FOXN3: variants seen among roughly 807,000 people sequenced by gnomAD.
FOXN3 encodes forkhead box N3, also known as forkhead box protein N3.
In FOXN3, 7 loss-of-function variants were observed where a neutral mutation model predicts 38.4. That is an observed-to-expected ratio of 0.18 (90% CI 0.10 to 0.34). The LOEUF (loss-of-function observed/expected upper bound fraction) is 0.34. Among genes scored for constraint, FOXN3 ranks in the 10% least tolerant of loss-of-function variants. The probability of loss-of-function intolerance (pLI) is 1.00; values close to 1 mark genes in which losing one functional copy is unlikely to be tolerated. For synonymous variants in FOXN3, 230 were observed against 242.2 expected (o/e 0.95, Z 0.47); for missense variants, 456 against 613.4 (o/e 0.74, Z 2.71).
At chr14:89,608,582 A>C (rs1896326728) in intron 1 of FOXN3, among the ~76,000 whole-genome samples, 1 of 152,198 alleles carries the variant, frequency 6.6e-6, no homozygotes, top group Non-Finnish European at 1.5e-5. Context: ...ACAGACTTCA[A>C]CTGCTAGTAT....
In FOXN3 at chr14:89,363,980, ATATATATAAT is replaced by A. The variant is rs1376241017; in HGVS notation, c.544-13182_544-13173del. 2.7e-3 allele frequency among the ~76,000 whole-genome samples: 244 copies of A among 89,038 alleles called. 4 individuals are homozygous for A. The highest frequency in any genetic ancestry group is 0.022 in the East Asian group (87 of 3,994). The allele number at this position is 89,038 out of a possible 152,430, so 58.4% of individuals were successfully genotyped here. A position where few individuals can be genotyped will look rare whatever the true frequency, so the allele number is the denominator to read the frequency against. Reference sequence around the variant, plus strand: ...TATATATATATATATATATATATATATATATATAATATATATATATATTCTTCCATATCAA... The same window carrying A: ...TATATATATATATATATATATATATAATATATATATATTCTTCCATATCAA... On this transcript the variant is annotated intron_variant, in intron 2 of 5. Transcript: ENST00000557258.
chr14:89,616,878 TAGG>T (rs998591645), intron 1 of FOXN3, among the ~76,000 whole-genome samples: 3 of 152,252 alleles, frequency 2.0e-5, no homozygotes, highest in Non-Finnish European at 4.4e-5. Context: ...TTATGAAATC[TAGG>T]AGACCACATT....
intron 3 of FOXN3, among the ~76,000 whole-genome samples, chr14:89,325,070 C>T (rs181798505): frequency 7.2e-5 from 11 of 152,314 alleles, no homozygotes; most frequent in African/African-American, 2.2e-4. Flanking sequence ...ACACTGGGTG[C>T]ATCTCAGGTG....
intron 1 of FOXN3, among the ~76,000 whole-genome samples, chr14:89,582,117 C>G (rs1895752447): frequency 6.6e-6 from 1 of 152,196 alleles, no homozygotes; most frequent in African/African-American, 2.4e-5. Flanking sequence ...CCCACGTTCT[C>G]CTCTAATAAT....
At chr14:89,464,750 T>A (rs1191758878) in intron 1 of FOXN3, among the ~76,000 whole-genome samples, 1 of 152,064 alleles carries the variant, frequency 6.6e-6, no homozygotes, top group African/African-American at 2.4e-5. Flanking sequence ...CAAGCTGGGG[T>A]ACAATGGCAC....
chr14:89,580,767 C>G (rs1328943648), intron 1 of FOXN3, among the ~76,000 whole-genome samples: 1 of 152,168 alleles, frequency 6.6e-6, no homozygotes, highest in African/African-American at 2.4e-5. Flanking sequence ...TCTTCTAAAT[C>G]AAATTAAATC....
intron 1 of FOXN3, among the ~76,000 whole-genome samples, chr14:89,536,703 G>T (rs928826353): frequency 6.6e-6 from 1 of 152,026 alleles, no homozygotes; most frequent in Non-Finnish European, 1.5e-5. Context: ...GCTTGAACCT[G>T]GGAGACGGAG....
intron 1 of FOXN3, among the ~76,000 whole-genome samples, chr14:89,460,865 A>C (rs979969421): frequency 6.6e-6 from 1 of 151,218 alleles, no homozygotes; most frequent in South Asian, 2.1e-4. Context: ...CCCCACCTCT[A>C]CTAAAATACA....
intron 1 of FOXN3, among the ~76,000 whole-genome samples, chr14:89,416,088 C>G (rs909354989): frequency 6.6e-6 from 1 of 152,160 alleles, no homozygotes; most frequent in Non-Finnish European, 1.5e-5. Flanking sequence ...CGAGCAGTAG[C>G]GAGTTTGGGG....
At chr14:89,296,897 A>C (rs1399277308) in intron 3 of FOXN3, among the ~76,000 whole-genome samples, 1 of 152,088 alleles carries the variant, frequency 6.6e-6, no homozygotes, top group Non-Finnish European at 1.5e-5. Context: ...TCGGCCTCCC[A>C]AAGTGCTGGG....
chr14:89,396,616 G>A (rs1031482548), intron 2 of FOXN3, among the ~76,000 whole-genome samples: 3 of 152,046 alleles, frequency 2.0e-5, no homozygotes, highest in South Asian at 4.1e-4. Context: ...GGTGGATCAC[G>A]AGGTCAGGAG....
At chr14:89,570,679 G>C (rs1254710135) in intron 1 of FOXN3, among the ~76,000 whole-genome samples, 1 of 148,384 alleles carries the variant, frequency 6.7e-6, no homozygotes, top group African/African-American at 2.4e-5. Context: ...TGAGTTTTTT[G>C]CAATTTTGGT....
chr14:89,310,150 C>T (rs931234159), intron 3 of FOXN3, among the ~76,000 whole-genome samples: 6 of 152,218 alleles, frequency 3.9e-5, no homozygotes, highest in Non-Finnish European at 8.8e-5. Flanking sequence ...AAAAAATGTA[C>T]ACCATCCTCT....
intron 1 of FOXN3, among the ~76,000 whole-genome samples, chr14:89,475,878 A>T (rs923757336): frequency 4.6e-5 from 7 of 152,188 alleles, no homozygotes; most frequent in Non-Finnish European, 7.3e-5. Context: ...GATCCAGGAG[A>T]GAGTGTGTCA....
At chr14:89,241,970 G>C (rs11159892) in intron 4 of FOXN3, among the ~76,000 whole-genome samples, 1 of 152,056 alleles carries the variant, frequency 6.6e-6, no homozygotes, top group Non-Finnish European at 1.5e-5. Context: ...CGGACAAGGC[G>C]TCAGGACCAG....
At chr14:89,325,603 T>C (rs753488872) in intron 3 of FOXN3, among the ~76,000 whole-genome samples, 1 of 152,228 alleles carries the variant, frequency 6.6e-6, no homozygotes, top group Non-Finnish European at 1.5e-5. Flanking sequence ...GATACATTTA[T>C]TGAACTATCT....
chr14:89,489,279 T>C (rs1210445345), intron 1 of FOXN3, among the ~76,000 whole-genome samples: 1 of 152,232 alleles, frequency 6.6e-6, no homozygotes, highest in Non-Finnish European at 1.5e-5. Context: ...ATGAAGTTGC[T>C]GTGAAAATTA....
chr14:89,494,345 C>T (rs1364202208), intron 1 of FOXN3, among the ~76,000 whole-genome samples: 1 of 152,158 alleles, frequency 6.6e-6, no homozygotes, highest in Non-Finnish European at 1.5e-5. Flanking sequence ...TTTAGTCTCA[C>T]ACTGCTTTAA....
At chr14:89,543,243 A>G (rs189088464) in intron 1 of FOXN3, among the ~76,000 whole-genome samples, 8 of 152,306 alleles carry the variant, frequency 5.3e-5, no homozygotes, top group Non-Finnish European at 8.8e-5. Context: ...TCCCCCTTCA[A>G]CTTGGATGCT....
Sources: gnomAD v4.1 joint callset for allele counts (sites outside exome capture counted in the v4.1 genomes callset) on GRCh38, gnomAD v4.1.1 for gene constraint, MANE v1.5 for transcripts, NCBI Gene and HGNC (gene_info 2026-07-23, HGNC 2026-07-21) for gene names.